DOCK9: variants seen among roughly 807,000 people sequenced by gnomAD.
DOCK9 encodes the protein dedicator of cytokinesis 9, also known as dedicator of cytokinesis protein 9.
In DOCK9, 89 loss-of-function variants were observed where a neutral mutation model predicts 263.3. The ratio of observed to expected loss-of-function variants is 0.34; its 90% confidence interval spans 0.28 to 0.40. The LOEUF is 0.40. DOCK9 is among the 10% of genes least tolerant of loss of function. The pLI is 1.00. For missense variants in DOCK9, 2,140 were observed against 2,603.4 expected (o/e 0.82, Z 3.87); for synonymous variants, 976 against 973.1 (o/e 1.00, Z -0.06).
chr13:98,994,071 A>G (rs1235622101), intron 1 of DOCK9, among the ~76,000 whole-genome samples: 1 of 152,176 alleles, frequency 6.6e-6, no homozygotes, highest in South Asian at 2.1e-4. Context: ...AGAATAAGAA[A>G]TATATTAAAA....
chr13:99,005,896 G>GC (rs35245210), intron 1 of DOCK9, among the ~76,000 whole-genome samples: 47,371 of 152,076 alleles, frequency 0.31, 7,484 homozygotes, highest in Middle Eastern at 0.43. Flanking sequence ...GGCCAGATTT[G>GC]CCCCATAGAC....
intron 1 of DOCK9, among the ~76,000 whole-genome samples, chr13:98,996,709 C>T (rs730368): frequency 0.63 from 96,332 of 152,112 alleles, 30,997 homozygotes; most frequent in East Asian, 0.9. Flanking sequence ...TCAGCTATCA[C>T]TAGTGTTAGT....
intron 1 of DOCK9, among the ~76,000 whole-genome samples, chr13:98,995,873 C>G (rs1182375865): frequency 6.6e-6 from 1 of 152,118 alleles, no homozygotes; most frequent in Non-Finnish European, 1.5e-5. Flanking sequence ...GAGGAAATAG[C>G]ATGTGCAAAG....
intron 2 of DOCK9, among the ~76,000 whole-genome samples, chr13:98,930,955 T>G (rs2140293630): frequency 6.6e-6 from 1 of 152,310 alleles, no homozygotes. Context: ...TTTTGAACAT[T>G]TTTAAGTATA....
At chr13:98,950,555 G>T in intron 2 of DOCK9, 1 of 327,054 alleles carries the variant, frequency 3.1e-6, no homozygotes, top group South Asian at 5.5e-5. Context: ...CTCCCACCTT[G>T]GTCACCCAAA....
intron 1 of DOCK9, among the ~76,000 whole-genome samples, chr13:99,021,638 C>CA (rs61660903): frequency 0.027 from 2,761 of 101,302 alleles, 57 homozygotes; most frequent in Non-Finnish European, 0.04. Context: ...GACTCTGTCT[C>CA]AAAAAAAAAA....
intron 1 of DOCK9, among the ~76,000 whole-genome samples, chr13:99,022,778 TA>T (rs980885496): frequency 6.6e-5 from 10 of 151,864 alleles, no homozygotes; most frequent in Admixed American, 2.0e-4. Flanking sequence ...CCCCAGTCTA[TA>T]AAAAAAAGAA....
At chr13:98,907,681 A>C (rs576228379) in intron 9 of DOCK9, among the ~76,000 whole-genome samples, 7 of 152,204 alleles carry the variant, frequency 4.6e-5, no homozygotes, top group Non-Finnish European at 1.0e-4. Context: ...CAAGATAAAT[A>C]AAAAGCAAAT....
chr13:98,963,147 T>A (rs1052802909), intron 1 of DOCK9, among the ~76,000 whole-genome samples: 1 of 152,016 alleles, frequency 6.6e-6, no homozygotes, highest in Non-Finnish European at 1.5e-5. Context: ...ATGGCGCGCC[T>A]CTAGCAATCA....
Position 98,879,886 on chromosome 13 carries a change from G to A in DOCK9, c.2943+12C>T. 1 of 1,595,430 alleles carries A rather than the reference G, an allele frequency of 6.3e-7. No homozygotes were observed. Among genetic ancestry groups the A allele is most frequent in the Non-Finnish European group, 8.5e-7 (1 of 1,173,844 alleles). On this transcript the variant is annotated intron_variant, in intron 27 of 52. Coordinates refer to ENST00000682017, the MANE Select transcript of DOCK9 (RefSeq NM_001366683.2). ...CCCCTAAGAACACAAGCTTCCACTT[G>A]AAGTAACATACCTTAACTTTGGAGT...
At chr13:98,943,248 C>A (rs1184948178) in intron 2 of DOCK9, among the ~76,000 whole-genome samples, 2 of 152,254 alleles carry the variant, frequency 1.3e-5, no homozygotes, top group African/African-American at 4.8e-5. Flanking sequence ...TGACTCAAGA[C>A]TTCTGACATC....
intron 1 of DOCK9, among the ~76,000 whole-genome samples, chr13:99,085,918 G>T (rs923663353): frequency 1.3e-5 from 2 of 152,112 alleles, no homozygotes; most frequent in African/African-American, 4.8e-5. Flanking sequence ...AGGTAAATTG[G>T]GAGAGAGCGG....
chr13:98,914,171 A>G (rs2050508598), intron 9 of DOCK9, among the ~76,000 whole-genome samples, 157 bp downstream of exon 9: 1 of 152,238 alleles, frequency 6.6e-6, no homozygotes. Flanking sequence ...ATCATACTGC[A>G]TGAGTACACG....
chr13:99,010,966 C>T (rs1462900250), intron 1 of DOCK9, among the ~76,000 whole-genome samples: 6 of 152,250 alleles, frequency 3.9e-5, no homozygotes, highest in Non-Finnish European at 7.3e-5. Context: ...GGTGCAATCT[C>T]GGCTTACTGC....
intron 25 of DOCK9, among the ~76,000 whole-genome samples, chr13:98,881,063 A>T (rs1268747328): frequency 1.3e-5 from 2 of 152,270 alleles, no homozygotes; most frequent in Admixed American, 6.5e-5. Flanking sequence ...TGTTTAGAAT[A>T]GTAACTGCCA....
At position 98,883,117 on chromosome 13, in the gene DOCK9, A is replaced by T. The variant is rs767820749; in HGVS notation, c.2484T>A (p.His828Gln). The change falls in exon 23 of 53, where the codon CAT becomes CAA. Residue 828 changes from histidine (H) to glutamine (Q), a missense_variant. Coordinates refer to ENST00000682017, the MANE Select transcript of DOCK9 (RefSeq NM_001366683.2). Reference protein sequence around the residue: ...STVYTQDQHLHNFFQYCQKTE... With the variant: ...STVYTQDQHLQNFFQYCQKTE... Reference sequence around the variant, plus strand: ...TTTTCTGACAGTACTGGAAAAAATTATGTAAATGCTGATCCTGAGGTAGGG... The same window carrying T: ...TTTTCTGACAGTACTGGAAAAAATTTTGTAAATGCTGATCCTGAGGTAGGG... 6.2e-7 allele frequency: 1 copy of T among 1,613,770 alleles called. No homozygotes were observed. The highest frequency in any genetic ancestry group is 8.5e-7 in the Non-Finnish European group (1 of 1,179,772).
At chr13:99,073,073 G>C (rs1490404209) in intron 1 of DOCK9, among the ~76,000 whole-genome samples, 1 of 152,150 alleles carries the variant, frequency 6.6e-6, no homozygotes, top group African/African-American at 2.4e-5. Flanking sequence ...TCTCACCTCA[G>C]GAAGGAATGC....
chr13:99,003,017 A>AGGGAG (rs1246005310), intron 1 of DOCK9, among the ~76,000 whole-genome samples: 3 of 150,546 alleles, frequency 2.0e-5, no homozygotes, highest in Middle Eastern at 3.4e-3. Flanking sequence ...CTTCTGATGG[A>AGGGAG]GGGAGGGGAG....
chr13:99,049,388 T>G (rs1436703999), intron 1 of DOCK9, among the ~76,000 whole-genome samples: 1 of 152,042 alleles, frequency 6.6e-6, no homozygotes, highest in African/African-American at 2.4e-5. Flanking sequence ...TAAGGACATC[T>G]TAGAAAAAGA....
Sources: gnomAD v4.1 joint callset for allele counts (sites outside exome capture counted in the v4.1 genomes callset) on GRCh38, gnomAD v4.1.1 for gene constraint, MANE v1.5 for transcripts, NCBI Gene and HGNC (gene_info 2026-07-23, HGNC 2026-07-21) for gene names.